Variants in TIMMDC1 observed in about 807,000 individuals in gnomAD.
TIMMDC1 encodes translocase of inner mitochondrial membrane domain containing 1, also known as complex I assembly factor TIMMDC1, mitochondrial.
A neutral mutation model predicts 32.6 loss-of-function variants in TIMMDC1; 25 were observed. The observed-to-expected ratio is 0.77, with a 90% CI of 0.56 to 1.07. The LOEUF (loss-of-function observed/expected upper bound fraction) is 1.07, where lower values mean the gene tolerates loss of function less well. Among genes scored for constraint, TIMMDC1 ranks in the 50% least tolerant of loss-of-function variants. TIMMDC1 has a pLI of 0.00. For missense variants in TIMMDC1, 329 were observed against 349.2 expected, an observed-to-expected ratio of 0.94 and a Z score of 0.46; for synonymous variants, 130 against 127.6, an observed-to-expected ratio of 1.02 and a Z score of -0.13.
intron 6 of TIMMDC1, among the ~76,000 whole-genome samples, chr3:119,519,413 A>G (rs1272735804): frequency 6.6e-6 from 1 of 152,206 alleles, no homozygotes; most frequent in Non-Finnish European, 1.5e-5. Context: ...AAGGGATAGA[A>G]AAGGATGTTC....
At chr3:119,510,156 G>C (rs2081944214) in intron 4 of TIMMDC1, among the ~76,000 whole-genome samples, 1 of 152,108 alleles carries the variant, frequency 6.6e-6, no homozygotes, top group Non-Finnish European at 1.5e-5. Context: ...TATTTTAAAA[G>C]ATGACTTGAA....
intron 4 of TIMMDC1, among the ~76,000 whole-genome samples, chr3:119,505,616 C>T (rs1430883596): frequency 6.6e-6 from 1 of 152,228 alleles, no homozygotes; most frequent in Non-Finnish European, 1.5e-5. Context: ...ATCCGCCCAT[C>T]TCGGCCTCTC....
At chr3:119,506,755 A>G (rs1236320113) in intron 4 of TIMMDC1, among the ~76,000 whole-genome samples, 3 of 149,606 alleles carry the variant, frequency 2.0e-5, no homozygotes, top group African/African-American at 7.7e-5. Flanking sequence ...AAATTCTTCT[A>G]TAGTTTCCTG....
Position 119,498,557 on chromosome 3 carries a change from C to G in TIMMDC1, c.-177C>G. On this transcript the variant is annotated 5_prime_UTR_variant, in exon 1 of 7. Transcript: ENST00000494664. ...GGCGGGACTTCCTGTGTCGTATTTC[C>G]AAGGACTCCAAAGCGAGGCCGGGGA... The G allele has an allele frequency of 1.6e-6, 1 of 615,700 alleles. No homozygotes were observed. Among genetic ancestry groups the G allele is most frequent in the Non-Finnish European group, 2.8e-6 (1 of 357,016 alleles). The allele number at this position is 615,700 out of a possible 1,614,324, so 38.1% of individuals were successfully genotyped here.
At chr3:119,511,425 C>T (rs917245217) in intron 4 of TIMMDC1, among the ~76,000 whole-genome samples, 1 of 151,260 alleles carries the variant, frequency 6.6e-6, no homozygotes, top group Non-Finnish European at 1.5e-5. Context: ...TGCAGTGAGC[C>T]AAGATCATGC....
At chr3:119,500,394 G>A (rs765142533) in intron 1 of TIMMDC1, 128 of 263,538 alleles carry the variant, frequency 4.9e-4, no homozygotes, top group Non-Finnish European at 8.2e-4. Context: ...ACTGAACATA[G>A]CTGTACCCAG....
At chr3:119,513,943 A>G (rs2081970279) in intron 5 of TIMMDC1, among the ~76,000 whole-genome samples, 1 of 152,206 alleles carries the variant, frequency 6.6e-6, no homozygotes, top group Admixed American at 6.5e-5. Flanking sequence ...AGTAGTTATT[A>G]CAATAAATAA....
chr3:119,507,614 G>GT (rs2081926264), intron 4 of TIMMDC1, among the ~76,000 whole-genome samples: 1 of 152,050 alleles, frequency 6.6e-6, no homozygotes, highest in Non-Finnish European at 1.5e-5. Flanking sequence ...TCTTCATATG[G>GT]TAAGTCCAGT....
At chr3:119,507,643 T>G (rs2081926367) in intron 4 of TIMMDC1, among the ~76,000 whole-genome samples, 2 of 152,160 alleles carry the variant, frequency 1.3e-5, no homozygotes, top group Admixed American at 6.5e-5. Context: ...CATATCTGAG[T>G]CTGGTTTTGG....
intron 6 of TIMMDC1, among the ~76,000 whole-genome samples, chr3:119,520,892 C>T (rs2082021965): frequency 6.6e-6 from 1 of 152,142 alleles, no homozygotes; most frequent in South Asian, 2.1e-4. Flanking sequence ...ACATCATGAA[C>T]AAGTGGGATT....
At chr3:119,504,594 A>G (rs954887741) in intron 4 of TIMMDC1, among the ~76,000 whole-genome samples, 2 of 152,146 alleles carry the variant, frequency 1.3e-5, no homozygotes, top group Non-Finnish European at 2.9e-5. Flanking sequence ...ATATATATGT[A>G]TATTTTCTTT....
intron 4 of TIMMDC1, among the ~76,000 whole-genome samples, chr3:119,510,411 A>G (rs1053004056): frequency 3.3e-5 from 5 of 152,204 alleles, no homozygotes; most frequent in Non-Finnish European, 5.9e-5. Context: ...ATTCAAATCA[A>G]AATTACAGGC....
At chr3:119,499,251 G>A (rs1467605672) in intron 1 of TIMMDC1, among the ~76,000 whole-genome samples, 1 of 150,194 alleles carries the variant, frequency 6.7e-6, no homozygotes, top group Admixed American at 6.6e-5. Context: ...GCACCACCAC[G>A]CCCGGCTAAT....
At chr3:119,504,064 G>C in intron 4 of TIMMDC1, 43 bp downstream of exon 4, 1 of 1,467,068 alleles carries the variant, frequency 6.8e-7, no homozygotes, top group South Asian at 1.1e-5. Context: ...CTCAAATACA[G>C]TTTAGAAAAT....
chr3:119,515,875 CTAGAA>C (rs1227389358), intron 5 of TIMMDC1, among the ~76,000 whole-genome samples: 1 of 152,172 alleles, frequency 6.6e-6, no homozygotes, highest in Non-Finnish European at 1.5e-5. Flanking sequence ...ATTTGTCTGA[CTAGAA>C]GAGTGCTACC....
intron 6 of TIMMDC1, among the ~76,000 whole-genome samples, chr3:119,519,895 A>G (rs2082013734): frequency 6.8e-6 from 1 of 146,596 alleles, no homozygotes; most frequent in South Asian, 2.2e-4. Flanking sequence ...AAAGATCAAA[A>G]TAACATCAAA....
chr3:119,521,353 G>A lies in TIMMDC1; in HGVS notation c.708-2253G>A, dbSNP rs376663890. Among the ~76,000 whole-genome samples the A allele has an allele frequency of 2.6e-5, 4 of 152,236 alleles. No homozygotes were observed. In the East Asian group the frequency reaches 7.7e-4, roughly 29 times the overall value. On this transcript the variant is annotated intron_variant, in intron 6 of 6. Transcript: ENST00000494664. ...GCGGATCACTTGAGGTCAGGAGTTC[G>A]AGACCAGCCTGACCGACATGGTGAA... is the stretch of plus-strand genomic sequence containing the variant.
intron 4 of TIMMDC1, among the ~76,000 whole-genome samples, chr3:119,512,860 C>T (rs2081963617): frequency 6.6e-6 from 1 of 152,168 alleles, no homozygotes; most frequent in Admixed American, 6.5e-5. Context: ...TGTGCCTCCG[C>T]CTCCTGAGTA....
intron 4 of TIMMDC1, 125 bp downstream of exon 4, chr3:119,504,146 G>A (rs543971820): frequency 2.9e-6 from 2 of 688,616 alleles, no homozygotes; most frequent in Admixed American, 2.5e-5. Flanking sequence ...CAACATTGAT[G>A]CAAAATGTAT....
Sources: gnomAD v4.1 joint callset for allele counts (sites outside exome capture counted in the v4.1 genomes callset) on GRCh38, gnomAD v4.1.1 for gene constraint, MANE v1.5 for transcripts, NCBI Gene and HGNC (gene_info 2026-07-23, HGNC 2026-07-21) for gene names.